Variants in KIF26B observed in about 807,000 individuals in gnomAD.
The protein encoded by KIF26B is kinesin family member 26B, also known as kinesin-like protein KIF26B.
KIF26B carries 63 observed loss-of-function variants against 151.2 expected under a neutral mutation model. The ratio of observed to expected loss-of-function variants is 0.42; its 90% CI spans 0.34 to 0.51. The LOEUF (loss-of-function observed/expected upper bound fraction) is 0.51. Among genes scored for constraint, KIF26B ranks in the 20% least tolerant of loss-of-function variants. The pLI, the probability that KIF26B is intolerant of heterozygous loss-of-function variation, is 0.07. For missense variants in KIF26B, 2,813 were observed against 2,913.6 expected (o/e 0.97, Z 0.79); for synonymous variants, 1,357 against 1,262.1 (o/e 1.08, Z -1.59).
intron 2 of KIF26B, among the ~76,000 whole-genome samples, chr1:245,258,221 T>C (rs1035778343): frequency 6.6e-6 from 1 of 152,200 alleles, no homozygotes; most frequent in Non-Finnish European, 1.5e-5. Context: ...TCGCTGTACA[T>C]GAAGCCCCAG....
At chr1:245,484,236 G>A (rs1660228282) in intron 4 of KIF26B, among the ~76,000 whole-genome samples, 1 of 151,728 alleles carries the variant, frequency 6.6e-6, no homozygotes, top group South Asian at 2.1e-4. Context: ...CTCACTTTGG[G>A]CAGTATTCTA....
chr1:245,405,992 T>G (rs1389936173), intron 3 of KIF26B, among the ~76,000 whole-genome samples: 1 of 152,220 alleles, frequency 6.6e-6, no homozygotes, highest in Non-Finnish European at 1.5e-5. Context: ...TTCTTTTTTG[T>G]CATTTTTGAT....
At chr1:245,242,255 A>G (rs1376207956) in intron 2 of KIF26B, among the ~76,000 whole-genome samples, 1 of 152,192 alleles carries the variant, frequency 6.6e-6, no homozygotes, top group Admixed American at 6.5e-5. Context: ...TAGGGAACAT[A>G]TTGAATGTCC....
Position 245,317,570 on chromosome 1 carries a change from G to A in KIF26B, c.466-49264G>A, listed in dbSNP as rs150524010. Among the ~76,000 whole-genome samples, 648 of 152,334 alleles carry A rather than the reference G, an allele frequency of 4.3e-3. 2 individuals are homozygous for A. Among genetic ancestry groups the A allele is most frequent in the Non-Finnish European group, 6.7e-3 (456 of 68,028 alleles). On this transcript the variant is annotated intron_variant, in intron 2 of 14. Coordinates refer to ENST00000407071, the MANE Select transcript of KIF26B (RefSeq NM_018012.4). ...AGGCAAACCTGGGAAGCTGCATGCC[G>A]CTGAATGATGATGAAAAGCACAAAG...
At chr1:245,320,764 G>A (rs753892466) in intron 2 of KIF26B, among the ~76,000 whole-genome samples, 33 of 151,980 alleles carry the variant, frequency 2.2e-4, no homozygotes, top group Admixed American at 3.3e-4. Context: ...TGCAACCTCC[G>A]CCTCCCAAGT....
At chr1:245,315,569 C>T (rs941974704) in intron 2 of KIF26B, among the ~76,000 whole-genome samples, 2 of 151,238 alleles carry the variant, frequency 1.3e-5, no homozygotes, top group African/African-American at 4.9e-5. Flanking sequence ...TAAAAATACA[C>T]AAATTAGCTG....
intron 3 of KIF26B, among the ~76,000 whole-genome samples, chr1:245,380,440 C>T (rs1673379124): frequency 6.6e-6 from 1 of 152,222 alleles, no homozygotes; most frequent in South Asian, 2.1e-4. Context: ...GGCTGCTCCC[C>T]ACCGTCCATT....
chr1:245,409,850 G>A (rs1211558690), intron 3 of KIF26B, among the ~76,000 whole-genome samples: 1 of 152,144 alleles, frequency 6.6e-6, no homozygotes, highest in Admixed American at 6.5e-5. Context: ...CTTCAGCTTG[G>A]GCAGTAACTG....
intron 10 of KIF26B, among the ~76,000 whole-genome samples, chr1:245,660,804 T>C (rs559154523): frequency 6.6e-6 from 1 of 152,144 alleles, no homozygotes; most frequent in South Asian, 2.1e-4. Flanking sequence ...TCAAAATATT[T>C]TCCATTTCTC....
intron 4 of KIF26B, among the ~76,000 whole-genome samples, chr1:245,438,058 C>T (rs2103045385): frequency 6.6e-6 from 1 of 152,194 alleles, no homozygotes; most frequent in South Asian, 2.1e-4. Flanking sequence ...ATCAGAAGAC[C>T]AAAACACAGG....
At chr1:245,356,082 G>A (rs1286085999) in intron 2 of KIF26B, among the ~76,000 whole-genome samples, 2 of 152,142 alleles carry the variant, frequency 1.3e-5, no homozygotes, top group Non-Finnish European at 2.9e-5. Context: ...GCCTCACTGT[G>A]AGCTTCCCAA....
At chr1:245,174,816 G>C (rs77418777) in intron 2 of KIF26B, among the ~76,000 whole-genome samples, 13,540 of 152,258 alleles carry the variant, frequency 0.089, 755 homozygotes, top group African/African-American at 0.15. Context: ...GGCTTTTCTG[G>C]AGAAGGGCCC....
At chr1:245,436,890 C>CTTTTT (rs539810099) in intron 4 of KIF26B, among the ~76,000 whole-genome samples, 36 of 122,322 alleles carry the variant, frequency 2.9e-4, no homozygotes, top group Non-Finnish European at 4.7e-4. Flanking sequence ...TTCTCCCTCT[C>CTTTTT]TTTTTTTTTT....
At chr1:245,543,041 T>C (rs985459020) in intron 5 of KIF26B, among the ~76,000 whole-genome samples, 16 of 152,288 alleles carry the variant, frequency 1.1e-4, no homozygotes, top group Non-Finnish European at 1.3e-4. Flanking sequence ...CACCTCAAAA[T>C]GAAGCACATC....
chr1:245,437,944 AT>A (rs57814745), intron 4 of KIF26B, among the ~76,000 whole-genome samples: 2 of 151,634 alleles, frequency 1.3e-5, no homozygotes, highest in African/African-American at 4.8e-5. Context: ...TAGTCCCATT[AT>A]TTTTTTCCTC....
At chr1:245,653,779 T>G (rs751842565) in intron 10 of KIF26B, among the ~76,000 whole-genome samples, 3 of 152,152 alleles carry the variant, frequency 2.0e-5, no homozygotes, top group Non-Finnish European at 2.9e-5. Context: ...AAAAGCACAG[T>G]CTGGGCACAG....
chr1:245,605,398 C>A (rs2043440921), intron 6 of KIF26B, among the ~76,000 whole-genome samples: 1 of 152,224 alleles, frequency 6.6e-6, no homozygotes, highest in African/African-American at 2.4e-5. Context: ...CATTTTCAGC[C>A]TGTGAAGCCG....
At position 245,167,796 on chromosome 1, in the gene KIF26B, C is replaced by A. The variant is rs1890183; in HGVS notation, c.465+11113C>A. On this transcript the variant is annotated intron_variant, in intron 2 of 14. Coordinates refer to ENST00000407071, the MANE Select transcript of KIF26B (RefSeq NM_018012.4). This position sits in a 1 kb window ranked among gnomAD's most constrained non-coding sequence, Gnocchi z 4.2. ...AATTAGAGCATCAGGTGTCCTTTAC[C>A]AAGACAGGCAGCGTGGTGATGGGGG... is the stretch of plus-strand genomic sequence containing the variant. Among the ~76,000 whole-genome samples, 1 of 151,862 alleles carries A rather than the reference C, an allele frequency of 6.6e-6. No homozygotes were observed. The highest frequency in any genetic ancestry group is 1.5e-5 in the Non-Finnish European group (1 of 67,988).
chr1:245,461,493 T>C (rs141349770), intron 4 of KIF26B, among the ~76,000 whole-genome samples: 92 of 152,232 alleles, frequency 6.0e-4, no homozygotes, highest in African/African-American at 1.9e-3. Context: ...CCTGCAAGCA[T>C]GCAGTGGCAT....
Sources: gnomAD v4.1 joint callset for allele counts (sites outside exome capture counted in the v4.1 genomes callset) on GRCh38, gnomAD v4.1.1 for gene constraint, Gnocchi (gnomAD v3.1) non-coding constraint, MANE v1.5 for transcripts, NCBI Gene and HGNC (gene_info 2026-07-23, HGNC 2026-07-21) for gene names.